Variants in CNTN5 observed in about 807,000 individuals in gnomAD.
CNTN5 encodes contactin 5, also known as contactin-5.
A neutral mutation model predicts 129.1 loss-of-function variants in CNTN5; 77 were observed. That is an observed-to-expected ratio of 0.60 (90% CI 0.50 to 0.72). The LOEUF is 0.72. Ranked by LOEUF, CNTN5 falls within the 30% of genes least tolerant of loss-of-function variation. The pLI, the probability that CNTN5 is intolerant of heterozygous loss-of-function variation, is 0.00. For missense variants in CNTN5, 1,478 were observed against 1,328.8 expected, an observed-to-expected ratio of 1.11 and a Z score of -1.75; for synonymous variants, 509 against 465.6, an observed-to-expected ratio of 1.09 and a Z score of -1.20.
intron 13 of CNTN5, among the ~76,000 whole-genome samples, chr11:100,086,184 G>T (rs1021118210): frequency 7.9e-5 from 12 of 151,194 alleles, no homozygotes; most frequent in Admixed American, 2.6e-4. Flanking sequence ...ACATCTTTTT[G>T]AATTAATATC....
chr11:99,665,270 G>T (rs1952742245), intron 3 of CNTN5, among the ~76,000 whole-genome samples: 1 of 152,110 alleles, frequency 6.6e-6, no homozygotes, highest in Non-Finnish European at 1.5e-5. Context: ...CAATTTTGAT[G>T]TGACCTGGAG....
chr11:100,210,930 TA>T (rs1565345104), intron 15 of CNTN5, among the ~76,000 whole-genome samples: 1 of 152,208 alleles, frequency 6.6e-6, no homozygotes, highest in African/African-American at 2.4e-5. Context: ...GCTGCCAAGA[TA>T]AGTTTGAAGT....
At chr11:99,056,697 G>T in intron 1 of CNTN5, among the ~76,000 whole-genome samples, 1 of 152,014 alleles carries the variant, frequency 6.6e-6, no homozygotes, top group African/African-American at 2.4e-5. Flanking sequence ...TCAAGCTGAA[G>T]TTCAACAAGT....
chr11:99,674,644 A>G (rs1690805), intron 3 of CNTN5, among the ~76,000 whole-genome samples: 50,673 of 152,036 alleles, frequency 0.33, 9,467 homozygotes, highest in Middle Eastern at 0.47. Context: ...CTGAAAAAGC[A>G]CAAAGTAGAG....
At chr11:99,349,807 C>A (rs1053208054) in intron 2 of CNTN5, among the ~76,000 whole-genome samples, 2 of 152,100 alleles carry the variant, frequency 1.3e-5, no homozygotes, top group African/African-American at 4.8e-5. Flanking sequence ...TGTGATAAAA[C>A]AAGGATACAT....
At chr11:99,161,386 C>T (rs1860602855) in intron 1 of CNTN5, among the ~76,000 whole-genome samples, 1 of 151,970 alleles carries the variant, frequency 6.6e-6, no homozygotes, top group South Asian at 2.1e-4. Flanking sequence ...AAATAAACTT[C>T]TCCACTTTTT....
intron 19 of CNTN5, among the ~76,000 whole-genome samples, chr11:100,298,289 TA>T (rs1951138663): frequency 6.6e-6 from 1 of 151,408 alleles, no homozygotes; most frequent in African/African-American, 2.4e-5. Flanking sequence ...TAATCTGTCC[TA>T]TTTTTTTTGT....
chr11:99,786,355 G>A (rs180873694), intron 3 of CNTN5, among the ~76,000 whole-genome samples: 4 of 151,862 alleles, frequency 2.6e-5, no homozygotes, highest in Admixed American at 2.0e-4. Flanking sequence ...GAAATTGGAG[G>A]ACACAAACAA....
chr11:100,017,805 A>G (rs1940911062), intron 9 of CNTN5, among the ~76,000 whole-genome samples: 1 of 150,362 alleles, frequency 6.7e-6, no homozygotes. Context: ...TTTTGGAAAG[A>G]AGGGTTGAAA....
intron 16 of CNTN5, among the ~76,000 whole-genome samples, chr11:100,245,760 A>G (rs901355239): frequency 4.6e-5 from 7 of 152,296 alleles, no homozygotes; most frequent in South Asian, 2.1e-4. Context: ...TAAAGCTCAT[A>G]TTCATATGCA....
At chr11:100,337,690 A>G (rs1952062871) in intron 21 of CNTN5, 1 of 581,924 alleles carries the variant, frequency 1.7e-6, no homozygotes, top group African/African-American at 1.9e-5. Context: ...TGTTTTCTCC[A>G]GCTGTGCATA....
intron 1 of CNTN5, among the ~76,000 whole-genome samples, chr11:99,208,122 T>A (rs1859574418): frequency 6.6e-6 from 1 of 152,150 alleles, no homozygotes; most frequent in African/African-American, 2.4e-5. Flanking sequence ...GAATGGTCAT[T>A]GGGTGCGTGA....
intron 3 of CNTN5, among the ~76,000 whole-genome samples, chr11:99,675,941 AC>A (rs1459748383): frequency 6.6e-6 from 1 of 152,126 alleles, no homozygotes; most frequent in Non-Finnish European, 1.5e-5. Context: ...GTGAGAAAAT[AC>A]TTTGAAAAAT....
chr11:99,702,113 CA>C (rs1008060686), intron 3 of CNTN5, among the ~76,000 whole-genome samples: 3 of 150,920 alleles, frequency 2.0e-5, no homozygotes, highest in African/African-American at 7.3e-5. Context: ...CAAAAGCTCA[CA>C]AAAACTACCT....
chr11:100,069,222 G>A (rs1204706574), intron 10 of CNTN5, among the ~76,000 whole-genome samples: 2 of 152,016 alleles, frequency 1.3e-5, no homozygotes, highest in African/African-American at 4.8e-5. Context: ...GCATGATCAC[G>A]GCTCAGTGCA....
rs77389898 is a variant in CNTN5 at position 99,882,316 on chromosome 11, A to G, written c.578-33738A>G. 5.9e-5 allele frequency among the ~76,000 whole-genome samples: 9 copies of G among 152,302 alleles called. No individual in the cohort carries two copies. In the South Asian group the frequency reaches 1.7e-3, roughly 28 times the overall value. On this transcript the variant is annotated intron_variant, in intron 6 of 24. Coordinates refer to ENST00000524871, the MANE Select transcript of CNTN5 (RefSeq NM_014361.4). ...GATAACTATTGCTGGACTTGCATGA[A>G]GTGGGATGAATTTATAAGAGCACAC...
chr11:100,001,444 G>A (rs1002299537), intron 8 of CNTN5, among the ~76,000 whole-genome samples: 1 of 152,146 alleles, frequency 6.6e-6, no homozygotes, highest in African/African-American at 2.4e-5. Context: ...CCATATTGGT[G>A]CATAATACTT....
chr11:99,087,561 A>G (rs904104389), intron 1 of CNTN5, among the ~76,000 whole-genome samples: 17 of 152,284 alleles, frequency 1.1e-4, no homozygotes, highest in African/African-American at 4.1e-4. Context: ...TAGTTCTTTT[A>G]CAGCATTTAC....
chr11:99,393,861 A>G (rs1941390767), intron 2 of CNTN5, among the ~76,000 whole-genome samples: 1 of 151,794 alleles, frequency 6.6e-6, no homozygotes, highest in Admixed American at 6.6e-5. Flanking sequence ...ATTAGTGGGC[A>G]CACACTAAAT....
Sources: gnomAD v4.1 joint callset for allele counts (sites outside exome capture counted in the v4.1 genomes callset) on GRCh38, gnomAD v4.1.1 for gene constraint, MANE v1.5 for transcripts, NCBI Gene and HGNC (gene_info 2026-07-23, HGNC 2026-07-21) for gene names.